Variants in BLM observed in about 807,000 individuals in gnomAD.
BLM encodes recQ-like DNA helicase BLM.
A neutral mutation model predicts 135.3 loss-of-function variants in BLM; 95 were observed. That is an observed-to-expected ratio of 0.70 (90% CI 0.59 to 0.83). BLM has a LOEUF of 0.83. Ranked by LOEUF, BLM falls within the 40% of genes least tolerant of loss-of-function variation. The probability of loss-of-function intolerance (pLI) is 0.00; values close to 1 mark genes in which losing one functional copy is unlikely to be tolerated. For missense variants in BLM, 1,518 were observed against 1,663.9 expected (o/e 0.91, Z 1.53); for synonymous variants, 520 against 589.2 (o/e 0.88, Z 1.70).
chr15:90,783,895 C>CA (rs1567052736), intron 13 of BLM, among the ~76,000 whole-genome samples: 1 of 151,886 alleles, frequency 6.6e-6, no homozygotes, highest in Admixed American at 6.6e-5. Flanking sequence ...TCTCAAAAAA[C>CA]AAAAAAGAAA....
intron 13 of BLM, 78 bp from the exon 14 acceptor site, chr15:90,784,843 T>G: frequency 1.4e-6 from 2 of 1,451,808 alleles, no homozygotes; most frequent in Non-Finnish European, 1.9e-6. Flanking sequence ...GTTCATATAT[T>G]TCTGAAAATG....
intron 19 of BLM, chr15:90,808,666 T>A: frequency 4.9e-6 from 1 of 202,934 alleles, no homozygotes; most frequent in Non-Finnish European, 1.0e-5. Flanking sequence ...GGAAGAAAAG[T>A]TTGTGCTGGA....
intron 1 of BLM, among the ~76,000 whole-genome samples, chr15:90,719,271 G>A (rs1238594702): frequency 6.6e-6 from 1 of 152,106 alleles, no homozygotes; most frequent in Non-Finnish European, 1.5e-5. Context: ...GATTACAGGC[G>A]AGCCACCGCG....
chr15:90,794,089 A>G (rs934143825), intron 15 of BLM, 78 bp from the exon 16 acceptor site: 3 of 1,054,002 alleles, frequency 2.8e-6, no homozygotes, highest in Non-Finnish European at 4.2e-6. Flanking sequence ...AGTTATATGA[A>G]TCTATTCTAA....
intron 1 of BLM, among the ~76,000 whole-genome samples, chr15:90,718,389 A>T (rs1353420890): frequency 6.6e-6 from 1 of 152,202 alleles, no homozygotes; most frequent in Non-Finnish European, 1.5e-5. Flanking sequence ...GGTCACACAG[A>T]ACTTTAGGTA....
At chr15:90,730,264 T>A (rs1425459705) in intron 1 of BLM, among the ~76,000 whole-genome samples, 1 of 152,224 alleles carries the variant, frequency 6.6e-6, no homozygotes, top group Non-Finnish European at 1.5e-5. Context: ...CGCCTTTTAT[T>A]TATTGTTCAT....
rs1409602062 is a variant in BLM, at chr15:90,798,119, A to G, written c.3211-71A>G. The G allele has an allele frequency of 2.2e-6, 3 of 1,345,730 alleles. No homozygotes were observed. In the East Asian group the frequency reaches 7.0e-5, roughly 31 times the overall value. 83.4% of individuals were successfully genotyped at this position (1,345,730 alleles called of 1,614,324 possible). A position where few individuals can be genotyped will look rare whatever the true frequency, so the allele number is the denominator to read the frequency against. On this transcript the variant is annotated intron_variant, in intron 16 of 21. Transcript: ENST00000355112. Reference sequence around the variant, plus strand: ...GGGTTATGATGAATCTACTATAGTTAATATTAAACCCTAGTAATCTAGGCA... The same window carrying G: ...GGGTTATGATGAATCTACTATAGTTGATATTAAACCCTAGTAATCTAGGCA...
At chr15:90,798,415 A>G (rs1897085677) in intron 17 of BLM, 78 bp downstream of exon 17, 1 of 1,472,320 alleles carries the variant, frequency 6.8e-7, no homozygotes, top group Non-Finnish European at 9.3e-7. Context: ...AGTACATAGA[A>G]AAACTTTTTG....
At chr15:90,754,781 T>C (rs1895772510) in intron 4 of BLM, 30 bp from the exon 5 acceptor site, 1 of 1,608,544 alleles carries the variant, frequency 6.2e-7, no homozygotes, top group Admixed American at 1.7e-5. Context: ...GCCTATAGTA[T>C]GATTGGCTTA....
In BLM at chr15:90,760,336, T is replaced by G. The variant is rs567723373; in HGVS notation, c.1220+57T>G. On this transcript the variant is annotated intron_variant, in intron 6 of 21. Coordinates refer to ENST00000355112, the MANE Select transcript of BLM (RefSeq NM_000057.4). ...CTGATTATATTTCTACCACTCTAAG[T>G]GAAAAATGGACAGGGCAAAATGTTC... 34 of 1,607,504 alleles carry G rather than the reference T, an allele frequency of 2.1e-5. No individual in the cohort carries two copies. The Admixed American group carries it at 5.7e-4, about 27-fold the overall frequency.
At chr15:90,741,015 T>C (rs1669829099) in intron 1 of BLM, among the ~76,000 whole-genome samples, 1 of 152,212 alleles carries the variant, frequency 6.6e-6, no homozygotes, top group Non-Finnish European at 1.5e-5. Flanking sequence ...GAGGTACTGC[T>C]TGACTGTTTT....
intron 17 of BLM, among the ~76,000 whole-genome samples, chr15:90,798,619 T>C (rs1897089305): frequency 6.6e-6 from 1 of 150,526 alleles, no homozygotes; most frequent in Non-Finnish European, 1.5e-5. Context: ...AGTAAGGAAA[T>C]AAAATGAGGA....
intron 5 of BLM, among the ~76,000 whole-genome samples, chr15:90,758,162 G>A (rs1196343740): frequency 1.3e-5 from 2 of 151,736 alleles, no homozygotes; most frequent in African/African-American, 2.4e-5. Flanking sequence ...TTACAGGCGT[G>A]AGCCACCATA....
At chr15:90,721,262 A>G (rs1894757525) in intron 1 of BLM, among the ~76,000 whole-genome samples, 1 of 152,066 alleles carries the variant, frequency 6.6e-6, no homozygotes, top group Non-Finnish European at 1.5e-5. Context: ...TGTTCACTGG[A>G]ACTGGATGTT....
intron 9 of BLM, among the ~76,000 whole-genome samples, chr15:90,766,233 T>C (rs545784267): frequency 1.4e-4 from 21 of 152,336 alleles, no homozygotes; most frequent in Middle Eastern, 6.8e-3. Context: ...TTCAACCATT[T>C]GTCATATTAT....
intron 16 of BLM, 34 bp from the exon 17 acceptor site, chr15:90,798,156 A>G: frequency 6.4e-7 from 1 of 1,562,890 alleles, no homozygotes; most frequent in East Asian, 2.3e-5. Context: ...TGTTACCTTA[A>G]TTATAGCAGA....
intron 14 of BLM, among the ~76,000 whole-genome samples, chr15:90,789,518 G>T (rs144608784): frequency 5.3e-5 from 8 of 152,300 alleles, no homozygotes; most frequent in Admixed American, 2.0e-4. Flanking sequence ...ATCACTAGAA[G>T]CTACAATAGT....
At position 90,763,437 on chromosome 15, in the gene BLM, G is replaced by A. The variant is rs28385022; in HGVS notation, c.2074+280G>A. Among the ~76,000 whole-genome samples, 8,719 of 152,230 alleles carry A rather than the reference G, an allele frequency of 0.057. 340 individuals carry two copies. Among genetic ancestry groups the A allele is most frequent in the Non-Finnish European group, 0.076 (5,166 of 68,010 alleles). The stretch of plus-strand genomic sequence containing the variant: ...ATTTTTCTTTTTTCTAGTCTAAGCA[G>A]TTTTGGAAATCAAACAGAAAAATCG... On this transcript the variant is annotated intron_variant, in intron 8 of 21. Transcript: ENST00000355112.
intron 19 of BLM, among the ~76,000 whole-genome samples, chr15:90,805,188 T>C (rs527561636): frequency 1.2e-4 from 18 of 151,786 alleles, no homozygotes; most frequent in Non-Finnish European, 2.9e-5. Context: ...AATATTAAAC[T>C]CATTCTTAAG....
Sources: allele counts gnomAD v4.1 joint callset (sites outside exome capture counted in the v4.1 genomes callset), GRCh38; gene constraint gnomAD v4.1.1; transcripts MANE v1.5; gene names NCBI Gene and HGNC (gene_info 2026-07-23, HGNC 2026-07-21).